Variants in ADGRA2 observed in about 807,000 individuals in gnomAD.
The protein encoded by ADGRA2 is adhesion G protein-coupled receptor A2, also known as G-protein coupled receptor 124.
Under a neutral mutation model 98.7 loss-of-function variants are expected in ADGRA2, and 61 were observed. That is an observed-to-expected ratio of 0.62 (90% confidence interval 0.50 to 0.76). ADGRA2 has a LOEUF of 0.76. Among genes scored for constraint, ADGRA2 ranks in the 30% least tolerant of loss-of-function variants. ADGRA2 has a pLI of 0.00. For synonymous variants in ADGRA2, 858 were observed against 831.5 expected (o/e 1.03, Z -0.55); for missense variants, 1,712 against 1,860.0 (o/e 0.92, Z 1.46).
At position 37,841,589 on chromosome 8, in the gene ADGRA2, G is replaced by GC. The variant is rs1189742043; in HGVS notation, c.3257dup (p.Ala1087CysfsTer179). The GC allele has an allele frequency of 1.9e-6, 3 of 1,563,188 alleles. No individual in the cohort carries two copies. Among genetic ancestry groups the GC allele is most frequent in the Admixed American group, 1.9e-5 (1 of 53,522 alleles). ...GTGAGAGCCTCGTGGCGCGCCTGCT[G>GC]CCCCCCTGCCTCTCCCGCGGCCCCC... On this transcript the variant is annotated frameshift_variant, in exon 19 of 19. Coordinates refer to ENST00000412232, the MANE Select transcript of ADGRA2 (RefSeq NM_032777.10). LOFTEE classifies it low-confidence loss of function (END_TRUNC). The surrounding 1 kb of genome is among the most constrained non-coding windows in gnomAD (Gnocchi z 5.0).
rs113275053 is a variant in ADGRA2, at chr8:37,841,384, G to C, written c.3046G>C (p.Gly1016Arg). 3.0e-3 allele frequency: 4,814 copies of C among 1,611,414 alleles called. 116 individuals carry two copies. The African/African-American group carries it at 0.057, about 19-fold the overall frequency. Residue 1016 changes from glycine (G) to arginine (R), a missense_variant, in exon 19 of 19, where the codon GGA (glycine) becomes CGA (arginine). Coordinates refer to ENST00000412232, the MANE Select transcript of ADGRA2 (RefSeq NM_032777.10). The surrounding 1 kb of genome is among the most constrained non-coding windows in gnomAD (Gnocchi z 5.0). ...PEDGDSLYSP[G>R]VQLGALVTTH... Reference sequence around the variant, plus strand: ...GGATGGTGACAGCCTCTATTCTCCGGGAGTCCAGCTAGGGGCGCTGGTGAC... The same window carrying C: ...GGATGGTGACAGCCTCTATTCTCCGCGAGTCCAGCTAGGGGCGCTGGTGAC...
rs376958708 is a variant in ADGRA2 at position 37,841,244 on chromosome 8, C to A, written c.2906C>A (p.Ala969Glu). ...KAGNSRASLE[A>E]GEELRGSTRL... Reference sequence around the variant, plus strand: ...GGCAACAGCAGGGCCTCCCTGGAGGCAGGGGAGGAGCTGAGGGGTTCCACC... The same window carrying A: ...GGCAACAGCAGGGCCTCCCTGGAGGAAGGGGAGGAGCTGAGGGGTTCCACC... Residue 969 changes from alanine (A) to glutamate (E), a missense_variant, in exon 19 of 19, where the codon GCA becomes GAA. Coordinates refer to ENST00000412232, the MANE Select transcript of ADGRA2 (RefSeq NM_032777.10). This position sits in a 1 kb window ranked among gnomAD's most constrained non-coding sequence, Gnocchi z 5.0. The A allele has an allele frequency of 1.9e-6, 3 of 1,613,370 alleles. No homozygotes were observed. The highest frequency in any genetic ancestry group is 2.7e-5 in the African/African-American group (2 of 74,950).
chr8:37,836,676 C>CCGT (rs1805625057), intron 13 of ADGRA2, among the ~76,000 whole-genome samples: 3 of 152,234 alleles, frequency 2.0e-5, no homozygotes, highest in Non-Finnish European at 4.4e-5. Context: ...ATCCCTCATG[C>CCGT]CGTCACCAGA....
chr8:37,831,750 T>C (rs568830184), intron 8 of ADGRA2, among the ~76,000 whole-genome samples, 163 bp downstream of exon 8: 1 of 152,364 alleles, frequency 6.6e-6, no homozygotes, highest in East Asian at 1.9e-4. Context: ...TGCTATCGAA[T>C]AGATAGACTT....
chr8:37,807,967 G>T (rs1804724369), intron 1 of ADGRA2, among the ~76,000 whole-genome samples: 1 of 152,196 alleles, frequency 6.6e-6, no homozygotes, highest in Non-Finnish European at 1.5e-5. Flanking sequence ...TTGATGTTGG[G>T]GTGGTATCTG....
At chr8:37,828,496 T>TA (rs1805348792) in intron 2 of ADGRA2, among the ~76,000 whole-genome samples, 1 of 144,256 alleles carries the variant, frequency 6.9e-6, no homozygotes, top group African/African-American at 2.5e-5. Flanking sequence ...TTTTTTTTTT[T>TA]TTTTTTTTGA....
rs561535797 is a variant in ADGRA2 at position 37,830,365 on chromosome 8, G to A, written c.719-345G>A. ...CTCCGCCTATGACTGTGTGCTGGGC[G>A]TGTCCTCCAGGGCATCCCCTTTCCC... On this transcript the variant is annotated intron_variant, in intron 6 of 18. Transcript: ENST00000412232. The surrounding 1 kb of genome is among the most constrained non-coding windows in gnomAD (Gnocchi z 4.8). Among the ~76,000 whole-genome samples, 6 of 152,264 alleles carry A rather than the reference G, an allele frequency of 3.9e-5. No homozygotes were observed. Among genetic ancestry groups the A allele is most frequent in the South Asian group, 2.1e-4 (1 of 4,822 alleles).
chr8:37,801,589 A>G (rs893214803), intron 1 of ADGRA2, among the ~76,000 whole-genome samples: 3 of 152,214 alleles, frequency 2.0e-5, no homozygotes, highest in African/African-American at 7.2e-5. Context: ...AAGGAAATCT[A>G]TAAAGACCTC....
chr8:37,841,038 C>A lies in ADGRA2; in HGVS notation c.2748-48C>A. 2 of 1,523,372 alleles carry A rather than the reference C, an allele frequency of 1.3e-6. No homozygotes were observed. The highest frequency in any genetic ancestry group is 1.8e-6 in the Non-Finnish European group (2 of 1,122,662). 94.4% of individuals were successfully genotyped at this position (1,523,372 alleles called of 1,614,324 possible). A position where few individuals can be genotyped will look rare whatever the true frequency, so the allele number is the denominator to read the frequency against. Reference sequence around the variant, plus strand: ...CCAACCACCCCGGCCCCCAGCCCCACCCCAGCCATGCCCCCTGTCCTCATC... The same window carrying A: ...CCAACCACCCCGGCCCCCAGCCCCAACCCAGCCATGCCCCCTGTCCTCATC... On this transcript the variant is annotated intron_variant, in intron 18 of 18. Transcript: ENST00000412232. The surrounding 1 kb of genome is among the most constrained non-coding windows in gnomAD (Gnocchi z 5.0).
chr8:37,810,840 C>T (rs993059853), intron 1 of ADGRA2, among the ~76,000 whole-genome samples: 4 of 151,790 alleles, frequency 2.6e-5, no homozygotes, highest in African/African-American at 4.8e-5. Context: ...AGGCTGGGCG[C>T]GGTGGCCGTA....
chr8:37,831,293 G>T, intron 7 of ADGRA2, 130 bp from the exon 8 acceptor site: 1 of 782,928 alleles, frequency 1.3e-6, no homozygotes, highest in Non-Finnish European at 2.1e-6. Flanking sequence ...TAAAAGGAGT[G>T]CATACTTGCA....
Position 37,804,100 on chromosome 8 carries a change from G to GACACACACACACACACACACAC in ADGRA2, c.266+6597_266+6618dup, listed in dbSNP as rs60565183. The stretch of plus-strand genomic sequence containing the variant: ...GGAGGGGCCAGCCTGCCCACGGTGA[G>GACACACACACACACACACACAC]ACACACACACACACACACACACACA... On this transcript the variant is annotated intron_variant, in intron 1 of 18. Transcript: ENST00000412232. 2.8e-3 allele frequency among the ~76,000 whole-genome samples: 300 copies of GACACACACACACACACACACAC among 107,158 alleles called. 9 individuals are homozygous for GACACACACACACACACACACAC. The highest frequency in any genetic ancestry group is 0.012 in the East Asian group (34 of 2,758). 70.3% of individuals were successfully genotyped at this position (107,158 alleles called of 152,430 possible).
chr8:37,839,317 C>T, intron 15 of ADGRA2, 182 bp from the exon 16 acceptor site: 1 of 782,500 alleles, frequency 1.3e-6, no homozygotes, highest in Non-Finnish European at 1.6e-6. Context: ...AGCCTCTCAC[C>T]CATTGGGGTT....
intron 1 of ADGRA2, among the ~76,000 whole-genome samples, chr8:37,806,076 T>C (rs2129912011): frequency 6.6e-6 from 1 of 152,226 alleles, no homozygotes; most frequent in African/African-American, 2.4e-5. Flanking sequence ...AGGTTGTGCA[T>C]GGAGGAAATG....
chr8:37,797,029 G>T lies in ADGRA2; in HGVS notation c.-240G>T, dbSNP rs1364390031. 1 of 185,092 alleles carries T rather than the reference G, an allele frequency of 5.4e-6. No homozygotes were observed. The highest frequency in any genetic ancestry group is 6.2e-5 in the Admixed American group (1 of 16,250). The allele number at this position is 185,092 out of a possible 1,614,324, so 11.5% of individuals were successfully genotyped here. On this transcript the variant is annotated 5_prime_UTR_variant, in exon 1 of 19. Transcript: ENST00000412232. The surrounding 1 kb of genome is among the most constrained non-coding windows in gnomAD (Gnocchi z 5.3). Reference sequence around the variant, plus strand: ...CGGGCGCTGAGACTCCGGCCGCGCAGCTGGGAGCTGCCCGCGCTGCGCTGA... The same window carrying T: ...CGGGCGCTGAGACTCCGGCCGCGCATCTGGGAGCTGCCCGCGCTGCGCTGA...
Position 37,842,003 on chromosome 8 carries a change from T to A in ADGRA2, c.3665T>A (p.Leu1222Gln). 2 of 1,516,490 alleles carry A rather than the reference T, an allele frequency of 1.3e-6. No individual in the cohort carries two copies. The highest frequency in any genetic ancestry group is 2.4e-5 in the South Asian group (2 of 81,920). 93.9% of individuals were successfully genotyped at this position (1,516,490 alleles called of 1,614,324 possible). ...CTGCTGTCCAGCGAGAGCGGCAGTC[T>A]GCACAACAGCCCCACCGACAGCTAC... Reference protein sequence around the residue: ...LELLSSESGSLHNSPTDSYLG... With the variant: ...LELLSSESGSQHNSPTDSYLG... The change falls in exon 19 of 19, where the codon CTG becomes CAG. Residue 1222 changes from leucine (L) to glutamine (Q), a missense_variant. Coordinates refer to ENST00000412232, the MANE Select transcript of ADGRA2 (RefSeq NM_032777.10).
rs753078704 is a variant in ADGRA2 at position 37,841,640 on chromosome 8, C to T, written c.3302C>T (p.Ala1101Val). ...CATGCCCCGCCCCGGGCCCTGCCCG[C>T]CGCCGCAGAGGACGGTTCCCCGGTG... ...APHAPPRALP[A>V]AAEDGSPVFG... Residue 1101 changes from alanine (A) to valine (V), a missense_variant, in exon 19 of 19, where the codon GCC becomes GTC. Ala to Val is a moderately conservative substitution (Grantham distance 64, BLOSUM62 0). Transcript: ENST00000412232. The surrounding 1 kb of genome is among the most constrained non-coding windows in gnomAD (Gnocchi z 5.0). 7.2e-6 allele frequency: 11 copies of T among 1,524,850 alleles called. No individual in the cohort carries two copies. The highest frequency in any genetic ancestry group is 2.7e-5 in the African/African-American group (2 of 72,982). 94.5% of individuals were successfully genotyped at this position (1,524,850 alleles called of 1,614,324 possible).
At position 37,835,764 on chromosome 8, in the gene ADGRA2, G is replaced by A; in HGVS notation, c.2044G>A (p.Gly682Arg). ...CGTGGCCACCCCCGTCATCTTCGCA[G>A]GAACCAGTAAGGGACTGAATTCCCC... is the stretch of plus-strand genomic sequence containing the variant. ...RGVATPVIFA[G>R]TSGCGVGNLT... The change falls in exon 13 of 19, where the codon GGA (glycine) becomes AGA (arginine). Residue 682 changes from glycine to arginine, a missense_variant. Coordinates refer to ENST00000412232, the MANE Select transcript of ADGRA2 (RefSeq NM_032777.10). 2 of 1,609,626 alleles carry A rather than the reference G, an allele frequency of 1.2e-6. No homozygotes were observed. The highest frequency in any genetic ancestry group is 1.7e-6 in the Non-Finnish European group (2 of 1,176,600).
At position 37,840,868 on chromosome 8, in the gene ADGRA2, C is replaced by G; in HGVS notation, c.2747+19C>G. On this transcript the variant is annotated intron_variant, in intron 18 of 18. Transcript: ENST00000412232. ...GCCCCTAGTGAGCACCCCTCCCTCC[C>G]GCCCCAAGCCTACCTACCTAACACC... 1 of 1,369,718 alleles carries G rather than the reference C, an allele frequency of 7.3e-7. No homozygotes were observed. The highest frequency in any genetic ancestry group is 1.0e-6 in the Non-Finnish European group (1 of 963,548). The allele number at this position is 1,369,718 out of a possible 1,614,324, so 84.8% of individuals were successfully genotyped here. A position where few individuals can be genotyped will look rare whatever the true frequency, so the allele number is the denominator to read the frequency against.
Sources: allele counts gnomAD v4.1 joint callset (sites outside exome capture counted in the v4.1 genomes callset), GRCh38; gene constraint gnomAD v4.1.1; non-coding constraint Gnocchi (gnomAD v3.1); transcripts MANE v1.5; gene names NCBI Gene and HGNC (gene_info 2026-07-23, HGNC 2026-07-21).